Variants in PARVB observed in about 807,000 individuals in gnomAD.
PARVB encodes parvin beta.
A neutral mutation model predicts 47.0 loss-of-function variants in PARVB; 46 were observed. The ratio of observed to expected loss-of-function variants is 0.98; its 90% CI spans 0.77 to 1.25. The LOEUF (loss-of-function observed/expected upper bound fraction) is 1.25, where lower values mean the gene tolerates loss of function less well. Among genes scored for constraint, PARVB ranks in the 50% most tolerant of loss-of-function variants. PARVB has a pLI of 0.00. For missense variants in PARVB, 473 were observed against 471.6 expected (o/e 1.00, Z -0.03); for synonymous variants, 196 against 196.3 (o/e 1.00, Z 0.01).
At chr22:44,065,845 GTGTGTGTGTGTGCA>G (rs2051509720) in intron 1 of PARVB, among the ~76,000 whole-genome samples, 2 of 141,036 alleles carry the variant, frequency 1.4e-5, no homozygotes, top group African/African-American at 5.5e-5. Context: ...ATTCCATGGT[GTGTGTGTGTGTGCA>G]TGTGTGTGTG....
At chr22:44,144,162 G>A (rs979950316) in intron 8 of PARVB, 3 of 152,430 alleles carry the variant, frequency 2.0e-5, no homozygotes, top group African/African-American at 7.2e-5. Context: ...GCCCCAGCAA[G>A]CCTGGCTTGA....
chr22:44,017,094 C>T (rs186783823), intron 2 of PARVB, among the ~76,000 whole-genome samples: 8 of 152,022 alleles, frequency 5.3e-5, no homozygotes, highest in African/African-American at 1.2e-4. Flanking sequence ...AGGCTGGTCT[C>T]GAACTCCTGA....
intron 1 of PARVB, among the ~76,000 whole-genome samples, chr22:44,067,967 C>T (rs1054734159): frequency 3.9e-5 from 6 of 152,092 alleles, no homozygotes; most frequent in African/African-American, 1.4e-4. Flanking sequence ...ATCCTGGCCT[C>T]GAATGGGAGA....
At chr22:44,135,471 A>G (rs893119371) in intron 6 of PARVB, among the ~76,000 whole-genome samples, 2 of 152,096 alleles carry the variant, frequency 1.3e-5, no homozygotes, top group Admixed American at 1.3e-4. Context: ...GTTGGCCAGA[A>G]TGGTCTCAAT....
chr22:44,145,902 A>AT (rs2053653702), intron 8 of PARVB: 1 of 130,508 alleles, frequency 7.7e-6, no homozygotes, highest in African/African-American at 2.8e-5. Context: ...TAAAAATTTC[A>AT]CTTTTTTTTT....
intron 4 of PARVB, among the ~76,000 whole-genome samples, chr22:44,128,613 A>G (rs1009106203): frequency 1.3e-5 from 2 of 152,338 alleles, no homozygotes; most frequent in South Asian, 2.1e-4. Flanking sequence ...TCCTACATGC[A>G]GGGCCCACCC....
At chr22:44,101,189 C>T (rs938216975) in intron 3 of PARVB, among the ~76,000 whole-genome samples, 6 of 151,806 alleles carry the variant, frequency 4.0e-5, no homozygotes, top group African/African-American at 1.5e-4. Context: ...GCGGGCGGAT[C>T]ACGAGGTCAG....
At chr22:44,050,147 G>A (rs1448336183) in intron 1 of PARVB, among the ~76,000 whole-genome samples, 1 of 152,160 alleles carries the variant, frequency 6.6e-6, no homozygotes, top group Admixed American at 6.5e-5. Context: ...CGGCTCTCCT[G>A]TCCTGCTGCC....
intron 2 of PARVB, among the ~76,000 whole-genome samples, chr22:44,098,379 T>C (rs2147060516): frequency 6.6e-6 from 1 of 152,214 alleles, no homozygotes; most frequent in South Asian, 2.1e-4. Flanking sequence ...CTCAAGGATC[T>C]CAGCTGGGGA....
chr22:44,088,716 C>G (rs1290862228), intron 1 of PARVB, among the ~76,000 whole-genome samples: 2 of 152,126 alleles, frequency 1.3e-5, no homozygotes, highest in East Asian at 3.9e-4. Context: ...AGGTGATTTG[C>G]CCACCTTGGC....
chr22:44,058,798 A>G (rs938211206), intron 1 of PARVB, among the ~76,000 whole-genome samples: 3 of 151,706 alleles, frequency 2.0e-5, no homozygotes, highest in African/African-American at 7.3e-5. Flanking sequence ...CAGGCAATCC[A>G]CCTGCCTCAG....
At chr22:44,076,002 T>C (rs1024227990) in intron 1 of PARVB, among the ~76,000 whole-genome samples, 3 of 152,146 alleles carry the variant, frequency 2.0e-5, no homozygotes, top group Non-Finnish European at 2.9e-5. Context: ...CTGATGGCCG[T>C]GGGGCAGGGG....
intron 3 of PARVB, chr22:44,106,205 T>C (rs1259685995): frequency 7.2e-6 from 1 of 139,482 alleles, no homozygotes; most frequent in East Asian, 2.3e-4. Flanking sequence ...GAGGAGGCTC[T>C]GGGAAGAGGG....
chr22:44,087,272 G>C (rs1265549344), intron 1 of PARVB, among the ~76,000 whole-genome samples: 2 of 152,182 alleles, frequency 1.3e-5, no homozygotes. Context: ...GGAATTGCAC[G>C]GATGGTGTAG....
chr22:44,116,773 C>T (rs1475646658), intron 3 of PARVB, among the ~76,000 whole-genome samples: 2 of 151,972 alleles, frequency 1.3e-5, no homozygotes, highest in Non-Finnish European at 2.9e-5. Flanking sequence ...CTGGGGTGGT[C>T]TGAGCTCTGG....
At chr22:44,157,856 G>C in intron 10 of PARVB, 126 bp from the exon 11 acceptor site, 1 of 654,338 alleles carries the variant, frequency 1.5e-6, no homozygotes, top group Non-Finnish European at 2.8e-6. Flanking sequence ...TTGCATCAGT[G>C]CACTCCAGCC....
intron 2 of PARVB, among the ~76,000 whole-genome samples, chr22:43,999,849 A>C (rs1032170720): frequency 6.9e-5 from 10 of 145,870 alleles, no homozygotes; most frequent in East Asian, 2.1e-4. Flanking sequence ...AAAAAAAAAA[A>C]AAAAAAAAAC....
intron 1 of PARVB, among the ~76,000 whole-genome samples, chr22:44,050,566 G>A (rs2051191067): frequency 1.3e-5 from 2 of 152,114 alleles, no homozygotes; most frequent in Non-Finnish European, 2.9e-5. Context: ...TCGAACTCCT[G>A]ACCCCAGGTG....
intron 1 of PARVB, among the ~76,000 whole-genome samples, chr22:44,048,319 C>T (rs1410207495): frequency 6.6e-6 from 1 of 152,144 alleles, no homozygotes; most frequent in Admixed American, 6.5e-5. Context: ...GGAGAGCACT[C>T]ATGACCATGT....
Sources: allele counts gnomAD v4.1 joint callset (sites outside exome capture counted in the v4.1 genomes callset), GRCh38; gene constraint gnomAD v4.1.1; transcripts MANE v1.5; gene names NCBI Gene and HGNC (gene_info 2026-07-23, HGNC 2026-07-21).